Variants in AMMECR1 observed in about 807,000 individuals in gnomAD.
The protein encoded by AMMECR1 is nuclear protein AMMECR1.
A neutral mutation model predicts 22.5 loss-of-function variants in AMMECR1; 3 were observed. That is an observed-to-expected ratio of 0.13 (90% CI 0.06 to 0.35). The LOEUF is 0.35. Among genes scored for constraint, AMMECR1 ranks in the 10% least tolerant of loss-of-function variants. The pLI is 1.00. For synonymous variants in AMMECR1, 130 were observed against 116.7 expected (o/e 1.11, Z -0.74); for missense variants, 235 against 278.7 (o/e 0.84, Z 1.12).
chrX:110,344,872 T>C (rs1251322841), intron 2 of AMMECR1, among the ~76,000 whole-genome samples: 3 of 111,619 alleles, frequency 2.7e-5, no homozygotes, highest in Non-Finnish European at 5.6e-5. Context: ...TGTGGAGAAA[T>C]AGGAATGCTT....
At chrX:110,389,759 A>T (rs868058473) in intron 2 of AMMECR1, among the ~76,000 whole-genome samples, 1 of 110,674 alleles carries the variant, frequency 9.0e-6, no homozygotes, top group Admixed American at 9.7e-5. Flanking sequence ...AGAGGAAGGG[A>T]TGAAAGGAGG....
At chrX:110,410,151 G>A (rs574312730) in intron 2 of AMMECR1, among the ~76,000 whole-genome samples, 123 of 111,374 alleles carry the variant, frequency 1.1e-3, no homozygotes, top group Middle Eastern at 4.6e-3. Flanking sequence ...GACTCGCCTC[G>A]GGTCACAGAG....
At chrX:110,338,598 C>T (rs1161107542) in intron 2 of AMMECR1, among the ~76,000 whole-genome samples, 1 of 111,758 alleles carries the variant, frequency 8.9e-6, no homozygotes, top group Non-Finnish European at 1.9e-5. Flanking sequence ...AGTAATTACA[C>T]AGCCCGTAAC....
rs2067372581 is a variant in AMMECR1 at position 110,196,593 on chromosome X, T to C, written c.*1927A>G. 1 of 111,427 alleles carries C rather than the reference T, an allele frequency of 9.0e-6. No individual in the cohort carries two copies. Among genetic ancestry groups the C allele is most frequent in the African/African-American group, 3.3e-5 (1 of 30,660 alleles). The allele number at this position is 111,427 out of a possible 1,213,427, so 9.2% of individuals were successfully genotyped here. ...TTCTAAAGCCCAACAGCTAACTTTT[T>C]CTGACTAATCTCTAGCTTCATTGAA... On this transcript the variant is annotated 3_prime_UTR_variant, in exon 6 of 6. Transcript: ENST00000262844.
chrX:110,238,157 C>T (rs191268951), intron 2 of AMMECR1, among the ~76,000 whole-genome samples: 2 of 111,932 alleles, frequency 1.8e-5, no homozygotes, highest in Admixed American at 1.9e-4. Flanking sequence ...TTATTGTTGT[C>T]ACTAACACAA....
chrX:110,374,336 TA>T (rs1020602868), intron 2 of AMMECR1, among the ~76,000 whole-genome samples: 5 of 112,132 alleles, frequency 4.5e-5, no homozygotes, highest in African/African-American at 6.5e-5. Context: ...ATATGCACAT[TA>T]AAAAAATGAA....
chrX:110,353,649 C>A (rs745841379), intron 2 of AMMECR1, among the ~76,000 whole-genome samples: 1 of 111,855 alleles, frequency 8.9e-6, no homozygotes, highest in East Asian at 2.8e-4. Context: ...TTGTTGATTT[C>A]TACTTCCATG....
chrX:110,343,328 G>T (rs1378704444), intron 2 of AMMECR1, among the ~76,000 whole-genome samples: 1 of 111,468 alleles, frequency 9.0e-6, no homozygotes, highest in East Asian at 2.8e-4. Flanking sequence ...AATTAGGTAT[G>T]GATGGGACGT....
At chrX:110,233,370 C>G (rs2067580655) in intron 2 of AMMECR1, among the ~76,000 whole-genome samples, 1 of 111,622 alleles carries the variant, frequency 9.0e-6, no homozygotes, top group African/African-American at 3.3e-5. Flanking sequence ...AGTCCAGGAC[C>G]AGATGAATTC....
chrX:110,261,662 T>A (rs2067742294), intron 2 of AMMECR1, among the ~76,000 whole-genome samples: 1 of 111,841 alleles, frequency 8.9e-6, no homozygotes, highest in South Asian at 3.7e-4. Flanking sequence ...TTGTATACTT[T>A]CCATAATAAT....
At chrX:110,202,973 T>C in intron 3 of AMMECR1, among the ~76,000 whole-genome samples, 1 of 112,088 alleles carries the variant, frequency 8.9e-6, no homozygotes, top group East Asian at 2.8e-4. Flanking sequence ...TTTTTGGTGC[T>C]GATCCCCTCC....
At chrX:110,290,810 T>C (rs188595607) in intron 1 of AMMECR1, among the ~76,000 whole-genome samples, 94 of 111,461 alleles carry the variant, frequency 8.4e-4, no homozygotes, top group African/African-American at 3.1e-3. Flanking sequence ...ACTTCCCTGC[T>C]TGCAATGTCA....
At chrX:110,357,695 A>C (rs1314416600) in intron 2 of AMMECR1, among the ~76,000 whole-genome samples, 1 of 112,297 alleles carries the variant, frequency 8.9e-6, no homozygotes, top group Non-Finnish European at 1.9e-5. Flanking sequence ...GTCAAGGATG[A>C]TGCTTGTATA....
intron 2 of AMMECR1, among the ~76,000 whole-genome samples, chrX:110,412,813 A>C (rs902906487): frequency 2.7e-5 from 3 of 112,365 alleles, no homozygotes; most frequent in Non-Finnish European, 5.6e-5. Context: ...GATTTTTGTT[A>C]AGGGTATTAT....
At chrX:110,303,159 T>C (rs1052099128) in intron 1 of AMMECR1, among the ~76,000 whole-genome samples, 8 of 111,967 alleles carry the variant, frequency 7.1e-5, no homozygotes, top group East Asian at 2.8e-4. Context: ...TAAGAACTTA[T>C]CTGAATTTCT....
chrX:110,345,941 T>C (rs1053271718), intron 2 of AMMECR1, among the ~76,000 whole-genome samples: 1 of 111,634 alleles, frequency 9.0e-6, no homozygotes, highest in African/African-American at 3.2e-5. Flanking sequence ...ATTATATCAA[T>C]ATTGGGCCTA....
intron 1 of AMMECR1, among the ~76,000 whole-genome samples, chrX:110,285,492 G>A (rs1025301470): frequency 1.8e-5 from 2 of 111,412 alleles, no homozygotes; most frequent in Non-Finnish European, 1.9e-5. Context: ...TCTATAATGG[G>A]GTTGGAGTCA....
chrX:110,327,567 G>T (rs2068102704), intron 2 of AMMECR1, among the ~76,000 whole-genome samples: 1 of 111,274 alleles, frequency 9.0e-6, no homozygotes, highest in African/African-American at 3.3e-5. Context: ...GCACTAAAAA[G>T]TGAATGGGGT....
At chrX:110,295,143 T>C (rs2067928719) in intron 1 of AMMECR1, among the ~76,000 whole-genome samples, 1 of 111,568 alleles carries the variant, frequency 9.0e-6, no homozygotes. Flanking sequence ...GGGCAATAGA[T>C]GTACACATTT....
Sources: gnomAD v4.1 joint callset for allele counts (sites outside exome capture counted in the v4.1 genomes callset) on GRCh38, gnomAD v4.1.1 for gene constraint, MANE v1.5 for transcripts, NCBI Gene and HGNC (gene_info 2026-07-23, HGNC 2026-07-21) for gene names.